PARVG: variants seen among roughly 807,000 people sequenced by gnomAD.
The protein encoded by PARVG is parvin gamma.
A neutral mutation model predicts 44.4 loss-of-function variants in PARVG; 36 were observed. The ratio of observed to expected loss-of-function variants is 0.81; its 90% CI spans 0.62 to 1.07. The LOEUF (loss-of-function observed/expected upper bound fraction) is 1.07, where lower values mean the gene tolerates loss of function less well. PARVG is among the 50% of genes least tolerant of loss of function. The probability of loss-of-function intolerance (pLI) is 0.00; values close to 1 mark genes in which losing one functional copy is unlikely to be tolerated. For missense variants in PARVG, 407 were observed against 407.4 expected (o/e 1.00, Z 0.01); for synonymous variants, 170 against 174.1 (o/e 0.98, Z 0.19).
rs758707708 is a variant in PARVG, at chr22:44,187,851, G to C, written c.220G>C (p.Asp74His). The change falls in exon 5 of 14, where the codon GAC (aspartate) becomes CAC (histidine). Residue 74 changes from aspartate to histidine, a missense_variant. Transcript: ENST00000444313. ...VVRSLEEDMFDGLILHHLFQR... is the reference protein window; with the variant it reads ...VVRSLEEDMFHGLILHHLFQR... Reference sequence around the variant, plus strand: ...CCGCAGCCTGGAGGAGGACATGTTCGACGGGCTCATCCTACACCACCTATT... The same window carrying C: ...CCGCAGCCTGGAGGAGGACATGTTCCACGGGCTCATCCTACACCACCTATT... The C allele has an allele frequency of 1.2e-6, 2 of 1,614,244 alleles. No individual in the cohort carries two copies. The highest frequency in any genetic ancestry group is 2.2e-5 in the South Asian group (2 of 91,090).
chr22:44,199,211 C>T (rs2054672208), intron 12 of PARVG, among the ~76,000 whole-genome samples: 1 of 151,362 alleles, frequency 6.6e-6, no homozygotes, highest in African/African-American at 2.4e-5. Context: ...TCCATCCATC[C>T]ATCCACCCAC....
chr22:44,194,859 A>G (rs1055503945), intron 9 of PARVG, among the ~76,000 whole-genome samples: 1 of 151,658 alleles, frequency 6.6e-6, no homozygotes, highest in African/African-American at 2.4e-5. Context: ...CCATCCATCC[A>G]CCCACACACC....
chr22:44,201,440 C>T (rs907936047), intron 12 of PARVG, among the ~76,000 whole-genome samples: 3 of 152,228 alleles, frequency 2.0e-5, no homozygotes, highest in South Asian at 2.1e-4. Flanking sequence ...CTCGCCCCCA[C>T]GGGGATGCAT....
At chr22:44,199,243 C>A (rs2054672706) in intron 12 of PARVG, among the ~76,000 whole-genome samples, 1 of 151,914 alleles carries the variant, frequency 6.6e-6, no homozygotes, top group South Asian at 2.1e-4. Context: ...CCTGTCTACC[C>A]ACCCATAGGA....
intron 11 of PARVG, among the ~76,000 whole-genome samples, chr22:44,197,151 T>G (rs1400709786): frequency 2.6e-5 from 4 of 152,058 alleles, no homozygotes; most frequent in African/African-American, 7.2e-5. Context: ...GGGAGTCTGG[T>G]CCCAGATGGA....
intron 1 of PARVG, among the ~76,000 whole-genome samples, chr22:44,175,368 A>G (rs1388076540): frequency 6.6e-6 from 1 of 152,202 alleles, no homozygotes; most frequent in Non-Finnish European, 1.5e-5. Flanking sequence ...TCGAGAAGGA[A>G]GGGACCTTCT....
intron 1 of PARVG, among the ~76,000 whole-genome samples, chr22:44,175,246 G>T (rs963178430): frequency 6.6e-6 from 1 of 152,244 alleles, no homozygotes; most frequent in African/African-American, 2.4e-5. Context: ...TGGGGAGGGG[G>T]CTCTCTGCTT....
At chr22:44,177,817 G>A (rs1184439041), upstream of PARVG, among the ~76,000 whole-genome samples, 6 of 152,056 alleles carry the variant, frequency 3.9e-5, no homozygotes, top group Admixed American at 3.3e-4. Flanking sequence ...AGTGAGCCGT[G>A]ATCACACCAC....
At chr22:44,181,589 GA>G in intron 1 of PARVG, 152 bp from the exon 2 acceptor site, 1 of 610,196 alleles carries the variant, frequency 1.6e-6, no homozygotes. Flanking sequence ...AAGGCGGGGA[GA>G]GGGGGAGAAA....
intron 9 of PARVG, 37 bp from the exon 10 acceptor site, chr22:44,196,118 C>T: frequency 6.2e-7 from 1 of 1,610,992 alleles, no homozygotes; most frequent in Non-Finnish European, 8.5e-7. Flanking sequence ...AAGATAATAG[C>T]ATCGTAATGA....
chr22:44,195,424 CTGTG>C (rs2054605143), intron 9 of PARVG, among the ~76,000 whole-genome samples: 1 of 152,200 alleles, frequency 6.6e-6, no homozygotes, highest in Non-Finnish European at 1.5e-5. Flanking sequence ...TCAGGCCAGT[CTGTG>C]TATTTGGTGC....
chr22:44,188,209 C>G (rs577918664), intron 5 of PARVG: 2 of 339,110 alleles, frequency 5.9e-6, no homozygotes, highest in South Asian at 3.2e-5. Flanking sequence ...TCCCTGCCCT[C>G]GGGCTGCCCT....
chr22:44,206,129 C>T (rs2054777431), intron 13 of PARVG, among the ~76,000 whole-genome samples, 188 bp from the exon 14 acceptor site: 1 of 152,056 alleles, frequency 6.6e-6, no homozygotes, highest in Non-Finnish European at 1.5e-5. Flanking sequence ...GAGGACTGGC[C>T]AGGAGGAGGA....
Position 44,198,890 on chromosome 22 carries a change from T to C in PARVG, c.813+168T>C, listed in dbSNP as rs1158726462. Among the ~76,000 whole-genome samples the C allele has an allele frequency of 5.1e-4, 36 of 70,642 alleles. 1 individual carries two copies. The highest frequency in any genetic ancestry group is 3.3e-3 in the Admixed American group (22 of 6,640). The allele number at this position is 70,642 out of a possible 152,430, so 46.3% of individuals were successfully genotyped here. ...TCCATCCATCCATCCATCCACCTATTCACCTATCCATCCATCTACCCATCC... is the reference window on the plus strand; with the variant it reads ...TCCATCCATCCATCCATCCACCTATCCACCTATCCATCCATCTACCCATCC... On this transcript the variant is annotated intron_variant, in intron 12 of 13. Coordinates refer to ENST00000444313, the MANE Select transcript of PARVG (RefSeq NM_022141.7).
At chr22:44,194,834 CATCCATCCATCT>C (rs1439472723) in intron 9 of PARVG, among the ~76,000 whole-genome samples, 3 of 151,810 alleles carry the variant, frequency 2.0e-5, no homozygotes, top group Admixed American at 6.6e-5. Flanking sequence ...TTCATCCATC[CATCCATCCATCT>C]ATCCATCCAT....
At chr22:44,198,856 G>A in intron 12 of PARVG, 134 bp downstream of exon 12, 1 of 628,824 alleles carries the variant, frequency 1.6e-6, no homozygotes, top group Non-Finnish European at 2.8e-6. Flanking sequence ...CTATATGTCT[G>A]CCTATCCATC....
chr22:44,198,459 CTGCAACCCTG>C (rs998712625), intron 11 of PARVG, among the ~76,000 whole-genome samples, 152 bp from the exon 12 acceptor site: 1 of 152,190 alleles, frequency 6.6e-6, no homozygotes, highest in African/African-American at 2.4e-5. Flanking sequence ...CACTTTTTAC[CTGCAACCCTG>C]TGAGGTCAGG....
chr22:44,183,725 A>T (rs963971564), intron 3 of PARVG: 1 of 417,868 alleles, frequency 2.4e-6, no homozygotes, highest in Non-Finnish European at 4.2e-6. Context: ...TTTATTCTCA[A>T]GGGCGGGCAT....
At chr22:44,192,596 C>T (rs2054564170) in intron 8 of PARVG, among the ~76,000 whole-genome samples, 1 of 151,282 alleles carries the variant, frequency 6.6e-6, no homozygotes, top group Non-Finnish European at 1.5e-5. Flanking sequence ...TGGGGCATGG[C>T]CATCCTGTTC....
Sources: allele counts gnomAD v4.1 joint callset (sites outside exome capture counted in the v4.1 genomes callset), GRCh38; gene constraint gnomAD v4.1.1; transcripts MANE v1.5; gene names NCBI Gene and HGNC (gene_info 2026-07-23, HGNC 2026-07-21).